MAP4: variants seen among roughly 807,000 people sequenced by gnomAD.
MAP4 encodes microtubule-associated protein 4.
Under a neutral mutation model 170.2 loss-of-function variants are expected in MAP4, and 76 were observed. That is an observed-to-expected ratio of 0.45 (90% confidence interval 0.37 to 0.54). The LOEUF (loss-of-function observed/expected upper bound fraction) is 0.54. MAP4 is among the 20% of genes least tolerant of loss of function. The pLI is 0.00. For synonymous variants in MAP4, 909 were observed against 994.5 expected, an observed-to-expected ratio of 0.91 and a Z score of 1.62; for missense variants, 2,506 against 2,748.0, an observed-to-expected ratio of 0.91 and a Z score of 1.97.
chr3:48,065,415 T>C (rs1300197241), intron 1 of MAP4, among the ~76,000 whole-genome samples: 1 of 152,166 alleles, frequency 6.6e-6, no homozygotes, highest in Non-Finnish European at 1.5e-5. Flanking sequence ...GTATGCACAC[T>C]AAAATCTATG....
At chr3:48,061,313 C>T (rs951709132) in intron 1 of MAP4, among the ~76,000 whole-genome samples, 9 of 150,958 alleles carry the variant, frequency 6.0e-5, no homozygotes, top group African/African-American at 2.2e-4. Flanking sequence ...CTCCCTCAGC[C>T]TGCCGAGTGC....
At chr3:47,872,733 C>T (rs1363495091) in intron 12 of MAP4, among the ~76,000 whole-genome samples, 2 of 152,184 alleles carry the variant, frequency 1.3e-5, no homozygotes, top group Non-Finnish European at 2.9e-5. Flanking sequence ...TCCAAATCTA[C>T]TGCTATATAT....
chr3:47,989,791 T>C (rs2100091021), intron 2 of MAP4, among the ~76,000 whole-genome samples: 1 of 152,204 alleles, frequency 6.6e-6, no homozygotes, highest in Non-Finnish European at 1.5e-5. Flanking sequence ...AAAGTCCTAA[T>C]TCAAAAGATG....
At chr3:48,043,568 T>G (rs554281893) in intron 1 of MAP4, among the ~76,000 whole-genome samples, 2 of 152,220 alleles carry the variant, frequency 1.3e-5, no homozygotes, top group Admixed American at 1.3e-4. Context: ...TTTAGAATAT[T>G]TTCTACAAAT....
chr3:47,891,982 G>A (rs1330259779), intron 10 of MAP4: 3 of 1,536,198 alleles, frequency 2.0e-6, no homozygotes, highest in Non-Finnish European at 2.6e-6. Flanking sequence ...TGGTAGGGAT[G>A]TCAGCAGCCC....
intron 1 of MAP4, among the ~76,000 whole-genome samples, chr3:48,048,598 T>C (rs1405909684): frequency 7.1e-6 from 1 of 139,902 alleles, no homozygotes; most frequent in Non-Finnish European, 1.5e-5. Context: ...GCTCACTGCA[T>C]CCTCAACCTC....
Position 47,870,975 on chromosome 3 carries a change from G to A in MAP4, c.6132C>T (p.Ser2044=). 1 of 1,613,376 alleles carries A rather than the reference G, an allele frequency of 6.2e-7. No individual in the cohort carries two copies. Among genetic ancestry groups the A allele is most frequent in the South Asian group, 1.1e-5 (1 of 91,082 alleles). The part of the protein sequence containing the change: ...VKATPMPSRP[S]TTPFIDKKPT... ...GCTTCTTGTCTATGAAAGGAGTTGT[G>A]GAGGGCCGGGAGGGCATGGGTGTGG... The change falls in exon 15 of 21, where the codon TCC becomes TCT. Residue 2044 remains serine (S), a synonymous_variant. Transcript: ENST00000683076.
At chr3:48,032,128 A>G (rs996889318) in intron 1 of MAP4, among the ~76,000 whole-genome samples, 1 of 152,182 alleles carries the variant, frequency 6.6e-6, no homozygotes, top group Non-Finnish European at 1.5e-5. Flanking sequence ...GAGGTGTAAG[A>G]AACTGTCATA....
At chr3:47,927,600 C>T (rs1322750897) in intron 4 of MAP4, among the ~76,000 whole-genome samples, 7 of 152,068 alleles carry the variant, frequency 4.6e-5, no homozygotes, top group Admixed American at 3.3e-4. Flanking sequence ...CTCAGCCTCC[C>T]GAGTAGCTGG....
chr3:47,873,680 G>T (rs552932524), intron 12 of MAP4, among the ~76,000 whole-genome samples: 1 of 152,328 alleles, frequency 6.6e-6, no homozygotes, highest in East Asian at 1.9e-4. Flanking sequence ...TTGGCCAGAG[G>T]ATTCCCTTTT....
chr3:47,920,304 A>G (rs981857195), intron 5 of MAP4, among the ~76,000 whole-genome samples: 9 of 152,006 alleles, frequency 5.9e-5, no homozygotes, highest in African/African-American at 2.2e-4. Context: ...ATGGGGTTTC[A>G]CCATGTTGGC....
At chr3:48,081,287 CA>C (rs113703746) in intron 1 of MAP4, among the ~76,000 whole-genome samples, 1 of 150,278 alleles carries the variant, frequency 6.7e-6, no homozygotes. Context: ...GACTCCATCT[CA>C]AAAAAAATAA....
intron 1 of MAP4, among the ~76,000 whole-genome samples, chr3:48,084,426 A>G (rs1470493194): frequency 2.0e-5 from 3 of 152,048 alleles, no homozygotes; most frequent in South Asian, 4.2e-4. Context: ...CACGAAAGTA[A>G]TTGTGTTGAC....
intron 10 of MAP4, among the ~76,000 whole-genome samples, chr3:47,879,568 A>G (rs1296879467): frequency 6.6e-6 from 1 of 152,136 alleles, no homozygotes; most frequent in Non-Finnish European, 1.5e-5. Context: ...AGAAACAGAG[A>G]CAACCCACAG....
chr3:47,931,116 T>C (rs2153831961), intron 3 of MAP4, among the ~76,000 whole-genome samples: 1 of 152,188 alleles, frequency 6.6e-6, no homozygotes, highest in South Asian at 2.1e-4. Flanking sequence ...GGTTCATGCC[T>C]GTAATCCCAG....
chr3:47,880,252 C>T (rs1186408437), intron 10 of MAP4, among the ~76,000 whole-genome samples: 1 of 147,560 alleles, frequency 6.8e-6, no homozygotes, highest in Non-Finnish European at 1.5e-5. Flanking sequence ...GCCACCACAC[C>T]TGGCTAATTT....
At chr3:47,889,708 T>C (rs1013266914) in intron 10 of MAP4, among the ~76,000 whole-genome samples, 8 of 152,174 alleles carry the variant, frequency 5.3e-5, no homozygotes, top group African/African-American at 9.7e-5. Context: ...CTAGAAGTTA[T>C]GTGGTACTGA....
At chr3:48,042,153 G>T (rs901875220) in intron 1 of MAP4, among the ~76,000 whole-genome samples, 25 of 152,356 alleles carry the variant, frequency 1.6e-4, no homozygotes, top group Admixed American at 1.5e-3. Flanking sequence ...AGAAGCACAG[G>T]TAAAATAAGC....
At chr3:48,005,085 G>A (rs955318355) in intron 1 of MAP4, among the ~76,000 whole-genome samples, 1 of 152,206 alleles carries the variant, frequency 6.6e-6, no homozygotes, top group African/African-American at 2.4e-5. Flanking sequence ...TTCTCGGCCA[G>A]GCACGGTGGC....
Sources: allele counts gnomAD v4.1 joint callset (sites outside exome capture counted in the v4.1 genomes callset), GRCh38; gene constraint gnomAD v4.1.1; transcripts MANE v1.5; gene names NCBI Gene and HGNC (gene_info 2026-07-23, HGNC 2026-07-21).